Variants in CSMD2 observed in about 807,000 individuals in gnomAD.
The protein encoded by CSMD2 is CUB and Sushi multiple domains 2.
A neutral mutation model predicts 398.5 loss-of-function variants in CSMD2; 130 were observed. The observed-to-expected ratio is 0.33, with a 90% CI of 0.28 to 0.38. The LOEUF is 0.38. Ranked by LOEUF, CSMD2 falls within the 10% of genes least tolerant of loss-of-function variation. The pLI is 1.00. For synonymous variants in CSMD2, 1,828 were observed against 1,908.5 expected, an observed-to-expected ratio of 0.96 and a Z score of 1.10; for missense variants, 3,829 against 4,764.9, an observed-to-expected ratio of 0.80 and a Z score of 5.78.
chr1:34,060,474 G>C (rs1004584177), intron 2 of CSMD2, among the ~76,000 whole-genome samples: 2 of 152,162 alleles, frequency 1.3e-5, no homozygotes, highest in Non-Finnish European at 2.9e-5. Flanking sequence ...AGGATGCAGG[G>C]CCCCTGGGGG....
chr1:33,719,196 T>C (rs1195349169), intron 19 of CSMD2, among the ~76,000 whole-genome samples: 4 of 152,212 alleles, frequency 2.6e-5, no homozygotes, highest in African/African-American at 9.6e-5. Context: ...CATACAAACA[T>C]GTCTGCAAAT....
At chr1:33,760,364 T>G (rs1036305593) in intron 13 of CSMD2, among the ~76,000 whole-genome samples, 5 of 152,162 alleles carry the variant, frequency 3.3e-5, no homozygotes, top group South Asian at 4.1e-4. Flanking sequence ...TTCTGATACC[T>G]TATGGAACAA....
chr1:33,699,722 C>A (rs1645543127), intron 23 of CSMD2, among the ~76,000 whole-genome samples: 1 of 152,220 alleles, frequency 6.6e-6, no homozygotes, highest in Non-Finnish European at 1.5e-5. Context: ...ATTCTCCCAC[C>A]TAATGTGTAC....
intron 15 of CSMD2, among the ~76,000 whole-genome samples, chr1:33,735,323 G>C (rs1414114564): frequency 2.0e-5 from 3 of 152,204 alleles, no homozygotes; most frequent in African/African-American, 7.2e-5. Context: ...TTGAAATGAG[G>C]TGACACTGTA....
intron 2 of CSMD2, among the ~76,000 whole-genome samples, chr1:34,037,092 T>C (rs993011416): frequency 1.2e-4 from 18 of 150,398 alleles, no homozygotes; most frequent in African/African-American, 3.9e-4. Flanking sequence ...ATTTCCCCAG[T>C]AAAACACCCT....
rs559632794 is a variant in CSMD2, at chr1:33,746,052, C to A, written c.1847-2446G>T. 3.3e-5 allele frequency among the ~76,000 whole-genome samples: 5 copies of A among 152,270 alleles called. 1 individual carries two copies. The highest frequency in any genetic ancestry group is 5.9e-5 in the Non-Finnish European group (4 of 68,012). ...AGAGACCAAGCTCTTACTAACCCCC[C>A]ACCATGTCTCTCAGTATGAGAATAA... On this transcript the variant is annotated intron_variant, in intron 13 of 70. Coordinates refer to ENST00000373381, the MANE Select transcript of CSMD2 (RefSeq NM_001281956.2).
At chr1:33,965,755 T>C (rs1323206151) in intron 3 of CSMD2, among the ~76,000 whole-genome samples, 1 of 152,182 alleles carries the variant, frequency 6.6e-6, no homozygotes, top group Non-Finnish European at 1.5e-5. Flanking sequence ...TTCAAGATGG[T>C]CATAGCAGAG....
intron 5 of CSMD2, among the ~76,000 whole-genome samples, chr1:33,867,458 C>T (rs1190039873): frequency 6.6e-6 from 1 of 152,176 alleles, no homozygotes; most frequent in African/African-American, 2.4e-5. Context: ...CTCCTGACCC[C>T]ACAGAAACTG....
At position 33,514,357 on chromosome 1, in the gene CSMD2, CTTTG is replaced by C. The variant is rs906492740; in HGVS notation, c.*2263_*2266del. On this transcript the variant is annotated 3_prime_UTR_variant, in exon 71 of 71. Transcript: ENST00000373381. ...TCTCTGTACAAAAGATTTTTTTTGTCTTTGTTTTACTTTTTTTTTTTTCCTCATG... is the reference window on the plus strand; with the variant it reads ...TCTCTGTACAAAAGATTTTTTTTGTCTTTTACTTTTTTTTTTTTCCTCATG... 1 of 135,988 alleles carries C rather than the reference CTTTG, an allele frequency of 7.4e-6. No individual in the cohort carries two copies. Among genetic ancestry groups the C allele is most frequent in the East Asian group, 2.2e-4 (1 of 4,628 alleles). The allele number at this position is 135,988 out of a possible 1,614,324, so 8.4% of individuals were successfully genotyped here.
At chr1:33,538,433 C>A (rs934533206) in intron 60 of CSMD2, among the ~76,000 whole-genome samples, 3 of 152,180 alleles carry the variant, frequency 2.0e-5, no homozygotes, top group South Asian at 2.1e-4. Context: ...GATGTCACTT[C>A]AAGCATTGCT....
intron 2 of CSMD2, among the ~76,000 whole-genome samples, chr1:34,086,020 G>GAA (rs146332740): frequency 0.033 from 4,347 of 129,928 alleles, 91 homozygotes; most frequent in Non-Finnish European, 0.038. Context: ...AAGTTTCCTG[G>GAA]AAAAAAAAAA....
intron 66 of CSMD2, 54 bp downstream of exon 66, chr1:33,524,828 A>T: frequency 6.3e-7 from 1 of 1,583,460 alleles, no homozygotes; most frequent in South Asian, 1.1e-5. Context: ...CATCCTTGCC[A>T]AGGGTGTGTG....
chr1:33,824,941 GCTT>G (rs1352447927), intron 7 of CSMD2, among the ~76,000 whole-genome samples: 1 of 152,074 alleles, frequency 6.6e-6, no homozygotes, highest in Non-Finnish European at 1.5e-5. Flanking sequence ...AACCTCCCCT[GCTT>G]TTAAGCCCAG....
At chr1:33,681,221 G>A (rs1044258445) in intron 25 of CSMD2, among the ~76,000 whole-genome samples, 3 of 151,898 alleles carry the variant, frequency 2.0e-5, no homozygotes, top group African/African-American at 7.3e-5. Flanking sequence ...ACCACGCCTG[G>A]CTGTGTTTTA....
At chr1:33,798,089 G>A (rs186836315) in intron 10 of CSMD2, among the ~76,000 whole-genome samples, 5 of 152,090 alleles carry the variant, frequency 3.3e-5, no homozygotes, top group African/African-American at 4.8e-5. Context: ...TCTTTTTTTC[G>A]TTTCTTTTTT....
At chr1:34,149,671 T>C (rs998869447) in intron 1 of CSMD2, among the ~76,000 whole-genome samples, 3 of 152,246 alleles carry the variant, frequency 2.0e-5, no homozygotes, top group Non-Finnish European at 2.9e-5. Context: ...GGAATGCTAA[T>C]GCGTGCCTTT....
intron 56 of CSMD2, among the ~76,000 whole-genome samples, chr1:33,547,410 T>A (rs1225895674): frequency 6.6e-6 from 1 of 152,222 alleles, no homozygotes; most frequent in African/African-American, 2.4e-5. Flanking sequence ...AAGATAAAGT[T>A]ACAACTATCA....
intron 51 of CSMD2, among the ~76,000 whole-genome samples, chr1:33,570,108 C>T (rs1250211821): frequency 1.3e-5 from 2 of 151,902 alleles, no homozygotes; most frequent in East Asian, 1.9e-4. Context: ...TTACATCCCA[C>T]TGTGCAGTCT....
At chr1:33,642,346 C>CAAAAA (rs71029013) in intron 29 of CSMD2, among the ~76,000 whole-genome samples, 1 of 83,736 alleles carries the variant, frequency 1.2e-5, no homozygotes. Context: ...CACTCTGTCT[C>CAAAAA]AAAAAAAAAA....
Sources: allele counts gnomAD v4.1 joint callset (sites outside exome capture counted in the v4.1 genomes callset), GRCh38; gene constraint gnomAD v4.1.1; transcripts MANE v1.5; gene names NCBI Gene and HGNC (gene_info 2026-07-23, HGNC 2026-07-21).